Variants in COPG2 observed in about 807,000 individuals in gnomAD.
The protein encoded by COPG2 is coatomer subunit gamma-2.
COPG2 carries 37 observed loss-of-function variants against 46.3 expected under a neutral mutation model. The ratio of observed to expected loss-of-function variants is 0.80; its 90% CI spans 0.61 to 1.05. The LOEUF (loss-of-function observed/expected upper bound fraction) is 1.05, where lower values mean the gene tolerates loss of function less well. Ranked by LOEUF, COPG2 falls within the 50% of genes least tolerant of loss-of-function variation. The pLI is 0.00. For missense variants in COPG2, 427 were observed against 387.8 expected (o/e 1.10, Z -0.85); for synonymous variants, 159 against 129.7 (o/e 1.23, Z -1.53).
intron 9 of COPG2, among the ~76,000 whole-genome samples, chr7:130,582,580 A>C (rs1474119698): frequency 6.6e-6 from 1 of 151,186 alleles, no homozygotes; most frequent in Admixed American, 6.6e-5. Flanking sequence ...ATGGGAGAAA[A>C]TTTTTGCAAC....
chr7:130,605,202 T>G, intron 9 of COPG2: 1 of 520,114 alleles, frequency 1.9e-6, no homozygotes, highest in Non-Finnish European at 3.8e-6. Flanking sequence ...ATCTTCAAAT[T>G]CACTAACTCT....
At chr7:130,603,800 GAAC>G (rs781940629) in intron 9 of COPG2, 1 of 515,904 alleles carries the variant, frequency 1.9e-6, no homozygotes, top group Non-Finnish European at 3.9e-6. Context: ...GTTGATCCTC[GAAC>G]AACATGGGGT....
chr7:130,607,807 TG>T, intron 9 of COPG2: 1 of 519,918 alleles, frequency 1.9e-6, no homozygotes, highest in Non-Finnish European at 3.8e-6. Context: ...CATCCTACAC[TG>T]AGGAATTACA....
At position 130,508,526 on chromosome 7, in the gene COPG2, G is replaced by C. The variant is rs375129754; in HGVS notation, c.2247+36C>G. 9.4e-6 allele frequency: 7 copies of C among 747,666 alleles called. No individual in the cohort carries two copies. The African/African-American group carries it at 1.2e-4, about 13-fold the overall frequency. The allele number at this position is 747,666 out of a possible 1,614,324, so 46.3% of individuals were successfully genotyped here. ...GGCAGAAGTCACTTAGTGTTGTGAAGGTGTCAAAGAAAGTCTCTATGCTGG... is the reference window on the plus strand; with the variant it reads ...GGCAGAAGTCACTTAGTGTTGTGAACGTGTCAAAGAAAGTCTCTATGCTGG... On this transcript the variant is annotated intron_variant, in intron 21 of 23. Coordinates refer to ENST00000425248, the MANE Select transcript of COPG2 (RefSeq NM_012133.6).
chr7:130,513,312 T>A (rs1421786085), intron 20 of COPG2, among the ~76,000 whole-genome samples: 6,069 of 36,444 alleles, frequency 0.17, 408 homozygotes, highest in Non-Finnish European at 0.24. Flanking sequence ...AAAAAAAATA[T>A]ATATATATAT....
chr7:130,563,845 T>A (rs1218794561), intron 10 of COPG2, among the ~76,000 whole-genome samples: 1 of 150,772 alleles, frequency 6.6e-6, no homozygotes, highest in African/African-American at 2.4e-5. Flanking sequence ...TTGCTCTTTT[T>A]AAAAAAAAAT....
At chr7:130,518,057 C>T (rs1032584596) in intron 20 of COPG2, among the ~76,000 whole-genome samples, 7 of 152,156 alleles carry the variant, frequency 4.6e-5, no homozygotes, top group East Asian at 1.9e-4. Context: ...CATATACATA[C>T]ATTTATACAG....
intron 5 of COPG2, among the ~76,000 whole-genome samples, chr7:130,632,237 AT>A (rs1328242760): frequency 6.6e-6 from 1 of 152,224 alleles, no homozygotes; most frequent in Non-Finnish European, 1.5e-5. Flanking sequence ...TGGATATGGT[AT>A]TCTGAGTCAT....
chr7:130,551,077 A>C (rs1793529646), intron 16 of COPG2, among the ~76,000 whole-genome samples, 164 bp downstream of exon 16: 2 of 148,304 alleles, frequency 1.3e-5, no homozygotes, highest in African/African-American at 4.8e-5. Context: ...TCATTACCAA[A>C]TTAGAAAATA....
intron 20 of COPG2, among the ~76,000 whole-genome samples, chr7:130,542,716 T>C (rs948563422): frequency 6.6e-5 from 10 of 152,202 alleles, no homozygotes; most frequent in Non-Finnish European, 1.5e-5. Context: ...GCAGCCATTC[T>C]AAGGCAGTTA....
intron 20 of COPG2, among the ~76,000 whole-genome samples, chr7:130,539,267 TGAA>T (rs1168812370): frequency 6.6e-6 from 1 of 151,282 alleles, no homozygotes; most frequent in Non-Finnish European, 1.5e-5. Context: ...ATAATGGAGA[TGAA>T]GAAAGGAGGA....
chr7:130,524,488 G>A lies in COPG2; in HGVS notation c.2150-15829C>T, dbSNP rs1053933358. ...ACACATGGGAGAGGAGGACAGAGGA[G>A]AGGTGTTCCCTAATGGGCAAGAAGA... On this transcript the variant is annotated intron_variant, in intron 20 of 23. Transcript: ENST00000425248. Among the ~76,000 whole-genome samples, 24 of 152,274 alleles carry A rather than the reference G, an allele frequency of 1.6e-4. No homozygotes were observed. The East Asian group carries it at 4.4e-3, about 28-fold the overall frequency.
chr7:130,577,362 C>G (rs1023016706), intron 9 of COPG2, among the ~76,000 whole-genome samples: 2 of 152,204 alleles, frequency 1.3e-5, no homozygotes, highest in African/African-American at 4.8e-5. Context: ...ACTTGGGAAG[C>G]GCAAGGGTCA....
chr7:130,527,754 G>A (rs1484496907), intron 20 of COPG2, among the ~76,000 whole-genome samples: 1 of 152,146 alleles, frequency 6.6e-6, no homozygotes, highest in Non-Finnish European at 1.5e-5. Flanking sequence ...AGGGCTGATG[G>A]AGGCATCAGG....
chr7:130,626,947 G>A (rs962009903), intron 5 of COPG2, among the ~76,000 whole-genome samples: 3 of 152,084 alleles, frequency 2.0e-5, no homozygotes, highest in East Asian at 1.9e-4. Context: ...GCAGTAGCAC[G>A]ATACTGGCTC....
At chr7:130,664,855 T>C (rs1796043053) in intron 3 of COPG2, among the ~76,000 whole-genome samples, 1 of 152,210 alleles carries the variant, frequency 6.6e-6, no homozygotes, top group Non-Finnish European at 1.5e-5. Context: ...AGGGATTATG[T>C]TGTTTGTGAA....
Position 130,635,142 on chromosome 7 carries a change from G to C in COPG2, c.323+17727C>G, listed in dbSNP as rs1413486559. On this transcript the variant is annotated intron_variant, in intron 5 of 23. Transcript: ENST00000425248. Reference sequence around the variant, plus strand: ...TTTTATTGAGGATTTTCGCATCGATGTTCATCAGGGTTATTGGCCTGAAAT... The same window carrying C: ...TTTTATTGAGGATTTTCGCATCGATCTTCATCAGGGTTATTGGCCTGAAAT... Among the ~76,000 whole-genome samples, 3 of 151,292 alleles carry C rather than the reference G, an allele frequency of 2.0e-5. No individual in the cohort carries two copies. In the Admixed American group the frequency reaches 2.0e-4, roughly 10 times the overall value.
intron 20 of COPG2, among the ~76,000 whole-genome samples, chr7:130,530,892 G>C (rs1460733795): frequency 2.0e-5 from 3 of 151,748 alleles, no homozygotes; most frequent in Non-Finnish European, 4.4e-5. Context: ...AAAGGAATTT[G>C]GAGTGCTCAG....
intron 9 of COPG2, among the ~76,000 whole-genome samples, chr7:130,601,270 T>A (rs1412587340): frequency 6.6e-6 from 1 of 152,170 alleles, no homozygotes; most frequent in Admixed American, 6.5e-5. Context: ...TCCTCAAGGA[T>A]TTAAACCAGA....
Sources: gnomAD v4.1 joint callset for allele counts (sites outside exome capture counted in the v4.1 genomes callset) on GRCh38, gnomAD v4.1.1 for gene constraint, MANE v1.5 for transcripts, NCBI Gene and HGNC (gene_info 2026-07-23, HGNC 2026-07-21) for gene names.